The following EBF1 variants were observed in gnomAD, a reference collection of about 807,000 sequenced individuals.
EBF1 encodes the protein transcription factor COE1.
In EBF1, 10 loss-of-function variants were observed where a neutral mutation model predicts 68.4. The observed-to-expected ratio is 0.15, with a 90% CI of 0.09 to 0.25. The LOEUF is 0.25. EBF1 is among the 10% of genes least tolerant of loss of function. The probability of loss-of-function intolerance (pLI) is 1.00; values close to 1 mark genes in which losing one functional copy is unlikely to be tolerated. For missense variants in EBF1, 509 were observed against 794.4 expected (o/e 0.64, Z 4.32); for synonymous variants, 298 against 299.8 (o/e 0.99, Z 0.06).
At chr5:158,718,673 G>A (rs911388849) in intron 11 of EBF1, among the ~76,000 whole-genome samples, 3 of 152,158 alleles carry the variant, frequency 2.0e-5, no homozygotes, top group Non-Finnish European at 4.4e-5. Flanking sequence ...CTGACTAGTG[G>A]CTGAGCATGG....
At chr5:159,010,421 T>C (rs1764411511) in intron 6 of EBF1, among the ~76,000 whole-genome samples, 1 of 152,228 alleles carries the variant, frequency 6.6e-6, no homozygotes, top group Non-Finnish European at 1.5e-5. Context: ...GTTCCAAAAA[T>C]TATTTATCTT....
At chr5:158,883,827 T>C (rs572526538) in intron 6 of EBF1, among the ~76,000 whole-genome samples, 2 of 152,176 alleles carry the variant, frequency 1.3e-5, no homozygotes, top group South Asian at 2.1e-4. Context: ...CCAAGGAAGA[T>C]ACGAAGATAA....
At chr5:158,922,286 CCT>C (rs1808606118) in intron 6 of EBF1, among the ~76,000 whole-genome samples, 1 of 151,960 alleles carries the variant, frequency 6.6e-6, no homozygotes, top group African/African-American at 2.4e-5. Flanking sequence ...TACCCAGTAT[CCT>C]CTCAGTGATT....
At chr5:158,825,223 G>A (rs1785799300) in intron 7 of EBF1, among the ~76,000 whole-genome samples, 1 of 152,150 alleles carries the variant, frequency 6.6e-6, no homozygotes, top group African/African-American at 2.4e-5. Context: ...CTACTATTTT[G>A]CCTTCAAAAA....
chr5:159,017,239 A>G (rs528269230), intron 6 of EBF1, among the ~76,000 whole-genome samples: 5 of 151,610 alleles, frequency 3.3e-5, no homozygotes, highest in African/African-American at 4.9e-5. Context: ...GCTATAAAAG[A>G]AAGTTGACAA....
chr5:158,804,224 A>G (rs1781154179), intron 8 of EBF1, among the ~76,000 whole-genome samples: 3 of 151,932 alleles, frequency 2.0e-5, no homozygotes, highest in South Asian at 4.2e-4. Context: ...TCCAATGTCC[A>G]TCTACATTAA....
chr5:159,018,786 C>A (rs900061852), intron 6 of EBF1, among the ~76,000 whole-genome samples: 1 of 152,134 alleles, frequency 6.6e-6, no homozygotes, highest in Admixed American at 6.5e-5. Flanking sequence ...AAGTAATTTG[C>A]CCCAAATCAC....
At chr5:158,962,077 A>T (rs2127536863) in intron 6 of EBF1, among the ~76,000 whole-genome samples, 1 of 152,316 alleles carries the variant, frequency 6.6e-6, no homozygotes, top group South Asian at 2.1e-4. Flanking sequence ...ACAGATTTGG[A>T]CTGCTATCGA....
intron 4 of EBF1, among the ~76,000 whole-genome samples, chr5:159,091,072 A>G (rs539879552): frequency 4.9e-4 from 75 of 152,362 alleles, no homozygotes; most frequent in Admixed American, 3.3e-3. Context: ...TCTCAGCAAT[A>G]TAAGACAGAG....
In EBF1 at chr5:159,099,614, T is replaced by G. The variant is rs898995457; in HGVS notation, c.-136A>C. On this transcript the variant is annotated 5_prime_UTR_variant, in exon 1 of 16. Coordinates refer to ENST00000313708, the MANE Select transcript of EBF1 (RefSeq NM_024007.5). ...TTTTTTTTTTTCTCAGACGATGAAC[T>G]CGCACTTAGAAGATCAAGGCGGGCT... is the stretch of plus-strand genomic sequence containing the variant. The G allele has an allele frequency of 3.2e-6, 4 of 1,234,588 alleles. No individual in the cohort carries two copies. The highest frequency in any genetic ancestry group is 4.3e-6 in the Non-Finnish European group (4 of 933,918). The allele number at this position is 1,234,588 out of a possible 1,614,324, so 76.5% of individuals were successfully genotyped here.
intron 10 of EBF1, among the ~76,000 whole-genome samples, chr5:158,775,783 GACACACACACACACACACACACAC>G (rs58752245): frequency 6.2e-5 from 8 of 129,518 alleles, no homozygotes; most frequent in Non-Finnish European, 8.2e-5. Flanking sequence ...CATGCACACA[GACACACACACACACACACACACAC>G]ACACACACAC....
intron 8 of EBF1, among the ~76,000 whole-genome samples, chr5:158,814,603 T>C (rs1024529334): frequency 2.0e-5 from 3 of 152,198 alleles, no homozygotes; most frequent in Non-Finnish European, 4.4e-5. Context: ...TCCCATGTTA[T>C]TTCTAGCATG....
intron 8 of EBF1, among the ~76,000 whole-genome samples, chr5:158,800,215 TG>T (rs1780336461): frequency 6.6e-6 from 1 of 152,162 alleles, no homozygotes; most frequent in Non-Finnish European, 1.5e-5. Context: ...GGTTAGCAGG[TG>T]AAAAAAACAA....
chr5:158,837,023 G>C (rs1471110024), intron 7 of EBF1, among the ~76,000 whole-genome samples: 3 of 152,196 alleles, frequency 2.0e-5, no homozygotes, highest in Non-Finnish European at 2.9e-5. Context: ...CTTAATCAAA[G>C]TGTGCAATTT....
intron 6 of EBF1, chr5:158,983,276 T>A (rs987271581): frequency 1.3e-5 from 2 of 152,260 alleles, no homozygotes; most frequent in Admixed American, 6.5e-5. Context: ...AGGAAGTATG[T>A]AGGGGTTTTT....
At chr5:158,715,593 T>G (rs1476538592) in intron 11 of EBF1, among the ~76,000 whole-genome samples, 1 of 152,118 alleles carries the variant, frequency 6.6e-6, no homozygotes, top group Admixed American at 6.5e-5. Flanking sequence ...TATAAAACAG[T>G]TTAGTTATTT....
At chr5:158,877,340 T>C (rs1031797927) in intron 6 of EBF1, among the ~76,000 whole-genome samples, 7 of 152,242 alleles carry the variant, frequency 4.6e-5, no homozygotes, top group African/African-American at 1.7e-4. Flanking sequence ...TGTTTACCTT[T>C]TGAAAAGGCG....
At chr5:158,926,588 G>T (rs1270328098) in intron 6 of EBF1, among the ~76,000 whole-genome samples, 7 of 151,892 alleles carry the variant, frequency 4.6e-5, no homozygotes, top group Admixed American at 2.0e-4. Flanking sequence ...GCCAGGCATG[G>T]TGGCACACAC....
intron 9 of EBF1, among the ~76,000 whole-genome samples, chr5:158,784,923 A>G (rs963326988): frequency 2.0e-5 from 3 of 152,166 alleles, no homozygotes; most frequent in Non-Finnish European, 4.4e-5. Context: ...CTTATACTGC[A>G]CCAGCTCCTA....
Sources: allele counts gnomAD v4.1 joint callset (sites outside exome capture counted in the v4.1 genomes callset), GRCh38; gene constraint gnomAD v4.1.1; transcripts MANE v1.5; gene names NCBI Gene and HGNC (gene_info 2026-07-23, HGNC 2026-07-21).